The following EFR3B variants were observed in gnomAD, a reference collection of about 807,000 sequenced individuals.
EFR3B encodes EFR3 homolog B.
A neutral mutation model predicts 104.7 loss-of-function variants in EFR3B; 64 were observed. That is an observed-to-expected ratio of 0.61 (90% confidence interval 0.50 to 0.75). The LOEUF is 0.75. EFR3B is among the 30% of genes least tolerant of loss of function. The probability of loss-of-function intolerance (pLI) is 0.00; values close to 1 mark genes in which losing one functional copy is unlikely to be tolerated. For missense variants in EFR3B, 750 were observed against 1,078.5 expected, an observed-to-expected ratio of 0.70 and a Z score of 4.27; for synonymous variants, 385 against 417.9, an observed-to-expected ratio of 0.92 and a Z score of 0.96.
intron 4 of EFR3B, among the ~76,000 whole-genome samples, chr2:25,116,753 G>T (rs1040101072): frequency 6.6e-6 from 1 of 152,192 alleles, no homozygotes; most frequent in Admixed American, 6.5e-5. Context: ...AGTGAGGTTA[G>T]CAGCTGTGGC....
At chr2:25,084,194 T>C (rs1668886041) in intron 1 of EFR3B, among the ~76,000 whole-genome samples, 2 of 152,028 alleles carry the variant, frequency 1.3e-5, no homozygotes, top group South Asian at 4.2e-4. Flanking sequence ...ACCTCGAAAA[T>C]CTGAGACAGG....
chr2:25,120,409 G>C (rs1003718884), intron 4 of EFR3B, among the ~76,000 whole-genome samples: 8 of 152,216 alleles, frequency 5.3e-5, no homozygotes, highest in African/African-American at 1.7e-4. Context: ...ACTTTGGGAG[G>C]CTGAGGCGGG....
chr2:25,132,265 G>A (rs556091525), intron 10 of EFR3B, among the ~76,000 whole-genome samples: 44 of 152,318 alleles, frequency 2.9e-4, no homozygotes, highest in African/African-American at 1.0e-3. Flanking sequence ...TCTCAGATCT[G>A]AAGTCTCAGG....
In EFR3B at chr2:25,042,698, G is replaced by A. The variant is rs576272622; in HGVS notation, c.7+379G>A. ...GCCTGGGAGTTTTCTGTGGGAAGCCGGTCCAGGGCTGAGGGAGACGCCCGC... is the reference window on the plus strand; with the variant it reads ...GCCTGGGAGTTTTCTGTGGGAAGCCAGTCCAGGGCTGAGGGAGACGCCCGC... On this transcript the variant is annotated intron_variant, in intron 1 of 22. Coordinates refer to ENST00000403714, the MANE Select transcript of EFR3B (RefSeq NM_014971.2). The surrounding 1 kb of genome is among the most constrained non-coding windows in gnomAD (Gnocchi z 5.4). The A allele has an allele frequency of 5.0e-5, 50 of 1,008,042 alleles. No homozygotes were observed. In the African/African-American group the frequency reaches 6.7e-4, roughly 14 times the overall value. 62.4% of individuals were successfully genotyped at this position (1,008,042 alleles called of 1,614,324 possible).
intron 1 of EFR3B, among the ~76,000 whole-genome samples, chr2:25,044,583 C>T (rs1338634355): frequency 6.6e-6 from 1 of 152,124 alleles, no homozygotes; most frequent in African/African-American, 2.4e-5. Context: ...GCGCTTCTCC[C>T]CCTCCCACCT....
chr2:25,106,745 G>A (rs888479736), intron 4 of EFR3B, among the ~76,000 whole-genome samples: 2 of 151,704 alleles, frequency 1.3e-5, no homozygotes, highest in African/African-American at 2.4e-5. Context: ...GTCTGGCCCT[G>A]TTAATTTTTT....
chr2:25,120,558 C>T (rs911983350), intron 4 of EFR3B, among the ~76,000 whole-genome samples: 2 of 152,090 alleles, frequency 1.3e-5, no homozygotes, highest in African/African-American at 4.8e-5. Flanking sequence ...GCAAGAGAAT[C>T]ACTTGAACCC....
intron 4 of EFR3B, among the ~76,000 whole-genome samples, chr2:25,104,935 T>A (rs1235012031): frequency 6.6e-6 from 1 of 151,148 alleles, no homozygotes. Flanking sequence ...ACTCCCTGCT[T>A]CTTGTGTGCA....
chr2:25,061,127 A>ATTT lies in EFR3B; in HGVS notation c.7+18822_7+18824dup, dbSNP rs759449745. On this transcript the variant is annotated intron_variant, in intron 1 of 22. Transcript: ENST00000403714. ...GGTTGGCACCTTGAATTGGAGGTTG[A>ATTT]TTTTTTTTTTTTTTTTGAAACAGTC... is the stretch of plus-strand genomic sequence containing the variant. Among the ~76,000 whole-genome samples the ATTT allele has an allele frequency of 1.9e-3, 267 of 141,816 alleles. 2 individuals are homozygous for ATTT. Among genetic ancestry groups the ATTT allele is most frequent in the African/African-American group, 6.5e-3 (250 of 38,736 alleles). 93.0% of individuals were successfully genotyped at this position (141,816 alleles called of 152,430 possible).
chr2:25,130,194 G>A lies in EFR3B; in HGVS notation c.770+85G>A. 2 of 1,531,330 alleles carry A rather than the reference G, an allele frequency of 1.3e-6. No homozygotes were observed. 94.9% of individuals were successfully genotyped at this position (1,531,330 alleles called of 1,614,324 possible). On this transcript the variant is annotated intron_variant, in intron 7 of 22. Coordinates refer to ENST00000403714, the MANE Select transcript of EFR3B (RefSeq NM_014971.2). The surrounding 1 kb of genome is among the most constrained non-coding windows in gnomAD (Gnocchi z 4.6). The stretch of plus-strand genomic sequence containing the variant: ...CTGGCATCTCCTGGCTGGCTGGGGG[G>A]AAGGGGATATTACAGTTGTGGTGCC...
At chr2:25,066,487 C>G (rs1011863510) in intron 1 of EFR3B, among the ~76,000 whole-genome samples, 2 of 152,160 alleles carry the variant, frequency 1.3e-5, no homozygotes, top group Non-Finnish European at 2.9e-5. Context: ...CTTGGCACCC[C>G]CACACTTTTG....
chr2:25,063,968 G>A (rs1473118306), intron 1 of EFR3B, among the ~76,000 whole-genome samples: 2 of 152,208 alleles, frequency 1.3e-5, no homozygotes, highest in Non-Finnish European at 2.9e-5. Flanking sequence ...AGGCCCATGC[G>A]CGGTAGAGCT....
intron 4 of EFR3B, among the ~76,000 whole-genome samples, chr2:25,117,105 T>C (rs962034386): frequency 6.6e-6 from 1 of 152,106 alleles, no homozygotes; most frequent in East Asian, 1.9e-4. Flanking sequence ...GGGGTCTTGG[T>C]GTCCCCGTTC....
At position 25,141,402 on chromosome 2, in the gene EFR3B, C is replaced by G; in HGVS notation, c.1891C>G (p.Leu631Val). The change falls in exon 17 of 23, where the codon CTC becomes GTC. Residue 631 changes from leucine (L) to valine (V), a missense_variant. By Grantham distance (32) the Leu-to-Val change is conservative. Transcript: ENST00000403714. ...CAGGAAGAAAGAGGCTCCATACATGCTCCCCGAGGATGTGTTTGTGGAGAG... is the reference window on the plus strand; with the variant it reads ...CAGGAAGAAAGAGGCTCCATACATGGTCCCCGAGGATGTGTTTGTGGAGAG... ...ETRKKEAPYM[L>V]PEDVFVERPR... The G allele has an allele frequency of 6.4e-7, 1 of 1,551,532 alleles. No homozygotes were observed. The highest frequency in any genetic ancestry group is 8.7e-7 in the Non-Finnish European group (1 of 1,146,896).
Position 25,042,326 on chromosome 2 carries a change from A to T in EFR3B, c.7+7A>T. 2 of 1,266,604 alleles carry T rather than the reference A, an allele frequency of 1.6e-6. No individual in the cohort carries two copies. Among genetic ancestry groups the T allele is most frequent in the South Asian group, 2.6e-5 (1 of 38,490 alleles). 78.5% of individuals were successfully genotyped at this position (1,266,604 alleles called of 1,614,324 possible). On this transcript the variant is annotated splice_region_variant and intron_variant, in intron 1 of 22. Transcript: ENST00000403714. This position sits in a 1 kb window ranked among gnomAD's most constrained non-coding sequence, Gnocchi z 5.4. Reference sequence around the variant, plus strand: ...CGCCCCGCCGAGATGTACGGTAAGGAGGGCTCCGCGCCCGGGCCCGGGCCC... The same window carrying T: ...CGCCCCGCCGAGATGTACGGTAAGGTGGGCTCCGCGCCCGGGCCCGGGCCC...
intron 3 of EFR3B, 132 bp from the exon 4 acceptor site, chr2:25,103,505 G>T: frequency 7.9e-7 from 1 of 1,259,864 alleles, no homozygotes; most frequent in Non-Finnish European, 1.1e-6. Flanking sequence ...TCCAGACGTT[G>T]GCAGCCTGTG....
intron 4 of EFR3B, among the ~76,000 whole-genome samples, chr2:25,105,446 C>A (rs931123839): frequency 6.6e-6 from 1 of 152,218 alleles, no homozygotes. Context: ...CCACCACGCC[C>A]AGCCCTCAAT....
rs1442272752 is a variant in EFR3B at position 25,128,303 on chromosome 2, C to A, written c.606C>A (p.Phe202Leu). ...HMDKIVPSLL[F>L]NLQHVEEAES... ...ATAAGATCGTTCCATCACTGCTTTT[C>A]AATCTACAGCATGTAGAGGAGGCAG... is the stretch of plus-strand genomic sequence containing the variant. The change falls in exon 6 of 23, where the codon TTC (phenylalanine) becomes TTA (leucine). Residue 202 changes from phenylalanine (F) to leucine (L), a missense_variant. Transcript: ENST00000403714. The A allele has an allele frequency of 6.4e-7, 1 of 1,551,884 alleles. No homozygotes were observed. The highest frequency in any genetic ancestry group is 8.7e-7 in the Non-Finnish European group (1 of 1,147,050).
chr2:25,102,182 AG>A (rs1669446730), intron 3 of EFR3B, among the ~76,000 whole-genome samples: 1 of 152,198 alleles, frequency 6.6e-6, no homozygotes, highest in South Asian at 2.1e-4. Flanking sequence ...TTTAGCACAG[AG>A]GAGAGAACAG....
Sources: gnomAD v4.1 joint callset for allele counts (sites outside exome capture counted in the v4.1 genomes callset) on GRCh38, gnomAD v4.1.1 for gene constraint, Gnocchi (gnomAD v3.1) non-coding constraint, MANE v1.5 for transcripts, NCBI Gene and HGNC (gene_info 2026-07-23, HGNC 2026-07-21) for gene names.